The following CNTN1 variants were observed in gnomAD, a reference collection of about 807,000 sequenced individuals.
CNTN1 encodes the protein contactin-1.
CNTN1 carries 38 observed loss-of-function variants against 126.4 expected under a neutral mutation model. That is an observed-to-expected ratio of 0.30 (90% CI 0.23 to 0.39). The LOEUF (loss-of-function observed/expected upper bound fraction) is 0.39. CNTN1 is among the 10% of genes least tolerant of loss of function. CNTN1 has a pLI of 1.00. For missense variants in CNTN1, 1,009 were observed against 1,248.4 expected, an observed-to-expected ratio of 0.81 and a Z score of 2.89; for synonymous variants, 413 against 422.6, an observed-to-expected ratio of 0.98 and a Z score of 0.28.
At position 40,933,755 on chromosome 12, in the gene CNTN1, A is replaced by G. The variant is rs1458269504; in HGVS notation, c.862A>G (p.Ile288Val). 4.3e-6 allele frequency: 7 copies of G among 1,612,912 alleles called. No individual in the cohort carries two copies. The South Asian group carries it at 6.6e-5, about 15-fold the overall frequency. Residue 288 changes from isoleucine (I) to valine (V), a missense_variant, in exon 9 of 24, where the codon ATT becomes GTT. Transcript: ENST00000551295. ...AGAACCAATGCCAAGCACTGCTGAGATTAGCACCTCTGGGGCTGTTCTTAA... is the reference window on the plus strand; with the variant it reads ...AGAACCAATGCCAAGCACTGCTGAGGTTAGCACCTCTGGGGCTGTTCTTAA... The part of the protein sequence containing the change: ...VLEPMPSTAE[I>V]STSGAVLKIF...
At chr12:40,875,992 A>G (rs571745557) in intron 1 of CNTN1, among the ~76,000 whole-genome samples, 1 of 152,216 alleles carries the variant, frequency 6.6e-6, no homozygotes, top group South Asian at 2.1e-4. Context: ...TCAAAAAGTC[A>G]GTGTCTATCT....
chr12:40,994,677 T>C (rs976280581), intron 17 of CNTN1, among the ~76,000 whole-genome samples: 3 of 152,098 alleles, frequency 2.0e-5, no homozygotes, highest in African/African-American at 7.2e-5. Context: ...TAAAGCTTCA[T>C]CTTAGATTAC....
At chr12:40,960,697 T>C (rs916575185) in intron 15 of CNTN1, among the ~76,000 whole-genome samples, 1 of 152,006 alleles carries the variant, frequency 6.6e-6, no homozygotes, top group Non-Finnish European at 1.5e-5. Flanking sequence ...TCAAACAAAA[T>C]TCATTTAGGT....
intron 23 of CNTN1, among the ~76,000 whole-genome samples, chr12:41,047,565 C>T (rs1312757396): frequency 6.6e-6 from 1 of 151,872 alleles, no homozygotes; most frequent in Non-Finnish European, 1.5e-5. Context: ...GGAATCATAC[C>T]ATCACCCTCT....
intron 14 of CNTN1, among the ~76,000 whole-genome samples, chr12:40,948,837 G>T (rs1273062578): frequency 1.3e-5 from 2 of 152,090 alleles, no homozygotes; most frequent in South Asian, 2.1e-4. Flanking sequence ...TACACTGTTG[G>T]CCACCTTTGC....
At chr12:40,887,590 G>A (rs1331143249) in intron 1 of CNTN1, among the ~76,000 whole-genome samples, 1 of 152,016 alleles carries the variant, frequency 6.6e-6, no homozygotes, top group Non-Finnish European at 1.5e-5. Flanking sequence ...TTCAACCCTT[G>A]TGGAAGTCAG....
intron 16 of CNTN1, among the ~76,000 whole-genome samples, chr12:40,985,219 T>C (rs1429261623): frequency 6.6e-6 from 1 of 152,132 alleles, no homozygotes. Context: ...TATGTCATCT[T>C]AGATGCCTTT....
At chr12:40,793,858 A>G (rs896714851) in intron 1 of CNTN1, among the ~76,000 whole-genome samples, 2 of 151,928 alleles carry the variant, frequency 1.3e-5, no homozygotes, top group Admixed American at 6.6e-5. Context: ...ACATTATTCC[A>G]TCCATTCGTT....
chr12:40,974,321 A>T (rs1228218049), intron 15 of CNTN1, among the ~76,000 whole-genome samples: 1 of 152,126 alleles, frequency 6.6e-6, no homozygotes, highest in African/African-American at 2.4e-5. Flanking sequence ...AAGATTTAAA[A>T]AGGCATGATT....
At chr12:41,021,747 G>T (rs1948918392) in intron 20 of CNTN1, among the ~76,000 whole-genome samples, 1 of 151,056 alleles carries the variant, frequency 6.6e-6, no homozygotes, top group African/African-American at 2.4e-5. Context: ...CAGAAGAGTA[G>T]ACTGGGAATA....
chr12:40,779,037 G>A (rs950463849), intron 1 of CNTN1, among the ~76,000 whole-genome samples: 4 of 151,708 alleles, frequency 2.6e-5, no homozygotes, highest in African/African-American at 9.7e-5. Flanking sequence ...GAACAGTCAG[G>A]TAGATGTAGT....
chr12:41,004,705 T>TA (rs55971320), intron 17 of CNTN1, among the ~76,000 whole-genome samples: 305 of 152,252 alleles, frequency 2.0e-3, no homozygotes, highest in African/African-American at 6.9e-3. Flanking sequence ...TGACTTTTTT[T>TA]ATCTTTATTG....
At chr12:40,892,285 T>A (rs1484179084) in intron 1 of CNTN1, among the ~76,000 whole-genome samples, 2 of 152,066 alleles carry the variant, frequency 1.3e-5, no homozygotes, top group Admixed American at 1.3e-4. Context: ...TCTCTCAGGG[T>A]CTAAAATCTG....
chr12:40,920,712 A>G (rs183724582), intron 4 of CNTN1, among the ~76,000 whole-genome samples: 4 of 152,318 alleles, frequency 2.6e-5, no homozygotes, highest in Non-Finnish European at 5.9e-5. Context: ...CCTGAGAGGT[A>G]CAACAGGGTA....
chr12:40,815,363 A>C (rs1265070837), intron 1 of CNTN1, among the ~76,000 whole-genome samples: 3 of 152,054 alleles, frequency 2.0e-5, no homozygotes, highest in Non-Finnish European at 4.4e-5. Context: ...GAGGTCCTTC[A>C]CATCCCTTGT....
intron 1 of CNTN1, among the ~76,000 whole-genome samples, chr12:40,818,114 C>T (rs760130199): frequency 2.6e-5 from 4 of 151,960 alleles, no homozygotes; most frequent in Admixed American, 6.6e-5. Context: ...TTCATTTTGA[C>T]GTTGGAGAAT....
chr12:40,983,610 G>C (rs548376709), intron 16 of CNTN1, among the ~76,000 whole-genome samples: 2 of 151,474 alleles, frequency 1.3e-5, no homozygotes, highest in Admixed American at 6.6e-5. Context: ...GGGCTTACCA[G>C]ATACATTTGA....
At chr12:40,764,118 G>A (rs1359516369) in intron 1 of CNTN1, among the ~76,000 whole-genome samples, 1 of 152,088 alleles carries the variant, frequency 6.6e-6, no homozygotes, top group African/African-American at 2.4e-5. Context: ...TTAATAGAAG[G>A]GGTACTCCTT....
intron 1 of CNTN1, among the ~76,000 whole-genome samples, chr12:40,869,282 G>C (rs11178839): frequency 0.24 from 36,050 of 148,886 alleles, 4,775 homozygotes; most frequent in South Asian, 0.35. Flanking sequence ...CTCTTTTTTT[G>C]TTTTTTGAGA....
Sources: allele counts gnomAD v4.1 joint callset (sites outside exome capture counted in the v4.1 genomes callset), GRCh38; gene constraint gnomAD v4.1.1; transcripts MANE v1.5; gene names NCBI Gene and HGNC (gene_info 2026-07-23, HGNC 2026-07-21).